Variants in ALOX5 observed in about 807,000 individuals in gnomAD.
ALOX5 encodes the protein arachidonate 5-lipoxygenase, also known as polyunsaturated fatty acid 5-lipoxygenase.
In ALOX5, 64 loss-of-function variants were observed where a neutral mutation model predicts 87.9. The ratio of observed to expected loss-of-function variants is 0.73; its 90% CI spans 0.60 to 0.90. The LOEUF is 0.90. Ranked by LOEUF, ALOX5 falls within the 40% of genes least tolerant of loss-of-function variation. ALOX5 has a pLI of 0.00. For missense variants in ALOX5, 822 were observed against 907.5 expected (o/e 0.91, Z 1.21); for synonymous variants, 388 against 355.1 (o/e 1.09, Z -1.04).
At chr10:45,391,044 CCCCTCTCCCCTCTCCCTCT>C (rs1564416436) in intron 2 of ALOX5, among the ~76,000 whole-genome samples, 13 of 103,142 alleles carry the variant, frequency 1.3e-4, no homozygotes, top group Non-Finnish European at 2.1e-4. Context: ...TCTCCCATCT[CCCCTCTCCCCTCTCCCTCT>C]CCCTCTCCCC....
At chr10:45,400,794 G>A (rs1840672064) in intron 3 of ALOX5, among the ~76,000 whole-genome samples, 1 of 152,158 alleles carries the variant, frequency 6.6e-6, no homozygotes, top group South Asian at 2.1e-4. Context: ...ACTAGGAGTT[G>A]GGGAGGGGAA....
At chr10:45,424,729 AGT>A (rs1841633403) in intron 5 of ALOX5, among the ~76,000 whole-genome samples, 2 of 152,120 alleles carry the variant, frequency 1.3e-5, no homozygotes, top group Admixed American at 1.3e-4. Flanking sequence ...GAAGGACCTG[AGT>A]GCTCCAGGAG....
chr10:45,441,333 C>T lies in ALOX5; in HGVS notation c.1186-11C>T. 1 of 1,612,834 alleles carries T rather than the reference C, an allele frequency of 6.2e-7. No individual in the cohort carries two copies. The highest frequency in any genetic ancestry group is 8.5e-7 in the Non-Finnish European group (1 of 1,179,272). ...GGCCCCCTCTGAGGCCTCCTCCTCT[C>T]CCCTCCCCAGCTGCTGGTGGCACAC... On this transcript the variant is annotated splice_polypyrimidine_tract_variant and intron_variant, in intron 8 of 13. Coordinates refer to ENST00000374391, the MANE Select transcript of ALOX5 (RefSeq NM_000698.5).
At position 45,445,405 on chromosome 10, in the gene ALOX5, C is replaced by T. The variant is rs976917716; in HGVS notation, c.1846-103C>T. 5 of 1,385,126 alleles carry T rather than the reference C, an allele frequency of 3.6e-6. No homozygotes were observed. The African/African-American group carries it at 7.2e-5, about 20-fold the overall frequency. The allele number at this position is 1,385,126 out of a possible 1,614,324, so 85.8% of individuals were successfully genotyped here. A position where few individuals can be genotyped will look rare whatever the true frequency, so the allele number is the denominator to read the frequency against. On this transcript the variant is annotated intron_variant, in intron 13 of 13. Coordinates refer to ENST00000374391, the MANE Select transcript of ALOX5 (RefSeq NM_000698.5). ...TGGGGAGGTGAATAGATGCTCCCTCCTTCATCTCCCAAACGGTGGCTGGCC... is the reference window on the plus strand; with the variant it reads ...TGGGGAGGTGAATAGATGCTCCCTCTTTCATCTCCCAAACGGTGGCTGGCC...
At chr10:45,396,997 A>G (rs940927345) in intron 3 of ALOX5, among the ~76,000 whole-genome samples, 3 of 152,240 alleles carry the variant, frequency 2.0e-5, no homozygotes, top group African/African-American at 7.2e-5. Context: ...ACATACAAAA[A>G]AGGCATTTGA....
intron 3 of ALOX5, among the ~76,000 whole-genome samples, chr10:45,405,075 C>A (rs889776726): frequency 6.6e-6 from 1 of 152,196 alleles, no homozygotes; most frequent in African/African-American, 2.4e-5. Context: ...CAGTTCATTT[C>A]CCATTTGTAG....
chr10:45,412,311 A>T lies in ALOX5; in HGVS notation c.552A>T (p.Lys184Asn). 1.2e-6 allele frequency: 2 copies of T among 1,614,148 alleles called. No homozygotes were observed. The highest frequency in any genetic ancestry group is 2.2e-5 in the South Asian group (2 of 91,088). ...KGVDFVLNYS[K>N]AMENLFINRF... ...TGGACTTTGTTCTGAATTACTCCAAAGCGTAAGTTTACGAGAACTGAGGGA... is the reference window on the plus strand; with the variant it reads ...TGGACTTTGTTCTGAATTACTCCAATGCGTAAGTTTACGAGAACTGAGGGA... Residue 184 changes from lysine (K) to asparagine (N), a missense_variant and splice_region_variant, in exon 4 of 14, where the codon AAA becomes AAT. Lys to Asn is a moderately conservative substitution (Grantham distance 94). Transcript: ENST00000374391.
chr10:45,435,049 T>C (rs192721112), intron 7 of ALOX5, among the ~76,000 whole-genome samples: 1 of 152,312 alleles, frequency 6.6e-6, no homozygotes, highest in East Asian at 1.9e-4. Context: ...AGTTCTGGCA[T>C]CCCATGGCAG....
chr10:45,438,366 C>T (rs1215030240), intron 7 of ALOX5, among the ~76,000 whole-genome samples: 1 of 152,164 alleles, frequency 6.6e-6, no homozygotes, highest in African/African-American at 2.4e-5. Flanking sequence ...CAGTTTCCCC[C>T]CATGTAAAAT....
rs559271417 is a variant in ALOX5, at chr10:45,425,866, C to T, written c.834+734C>T. On this transcript the variant is annotated intron_variant, in intron 6 of 13. Transcript: ENST00000374391. The surrounding 1 kb of genome is among the most constrained non-coding windows in gnomAD (Gnocchi z 4.4). ...TCTGCTGCTTCCAGTCTTTTGAGCT[C>T]AGCTTACCCTGAGGCCCTAGTTGGA... Among the ~76,000 whole-genome samples, 2 of 152,358 alleles carry T rather than the reference C, an allele frequency of 1.3e-5. No homozygotes were observed. The highest frequency in any genetic ancestry group is 2.1e-4 in the South Asian group (1 of 4,832).
intron 12 of ALOX5, 134 bp downstream of exon 12, chr10:45,443,962 G>A (rs991913278): frequency 7.4e-5 from 106 of 1,433,348 alleles, no homozygotes; most frequent in Non-Finnish European, 9.4e-5. Context: ...GATGGATTCT[G>A]CCCGCTCAGC....
chr10:45,401,825 T>G (rs551148210), intron 3 of ALOX5, among the ~76,000 whole-genome samples: 8 of 152,318 alleles, frequency 5.3e-5, no homozygotes, highest in African/African-American at 1.7e-4. Flanking sequence ...AAATTTCTCC[T>G]CAAAAATCTT....
In ALOX5 at chr10:45,440,621, C is replaced by A; in HGVS notation, c.1173C>A (p.His391Gln). 2 of 1,614,112 alleles carry A rather than the reference C, an allele frequency of 1.2e-6. No individual in the cohort carries two copies. Among genetic ancestry groups the A allele is most frequent in the Non-Finnish European group, 1.7e-6 (2 of 1,180,020 alleles). Residue 391 changes from histidine (H) to glutamine (Q), a missense_variant, in exon 8 of 14, where the codon CAC (histidine) becomes CAA (glutamine). His to Gln is a conservative substitution (Grantham distance 24). Coordinates refer to ENST00000374391, the MANE Select transcript of ALOX5 (RefSeq NM_000698.5). The stretch of plus-strand genomic sequence containing the variant: ...TGTACCGCCAGCTGCCTGCTGTGCA[C>A]CCCATTTTCAAGGTACAGCCAGCTA... ...IAMYRQLPAV[H>Q]PIFKLLVAHV...
At chr10:45,392,746 C>T (rs2310775) in intron 2 of ALOX5, among the ~76,000 whole-genome samples, 56,849 of 151,108 alleles carry the variant, frequency 0.38, 11,310 homozygotes, top group East Asian at 0.61. Context: ...ATCAATTAGA[C>T]GCAATAAAAA....
intron 2 of ALOX5, among the ~76,000 whole-genome samples, chr10:45,392,779 G>A (rs904571116): frequency 2.6e-5 from 4 of 151,618 alleles, no homozygotes; most frequent in African/African-American, 7.3e-5. Flanking sequence ...ACATCACCAC[G>A]GATTCCACAG....
intron 6 of ALOX5, among the ~76,000 whole-genome samples, chr10:45,427,833 C>T (rs905770599): frequency 6.6e-6 from 1 of 152,180 alleles, no homozygotes; most frequent in Non-Finnish European, 1.5e-5. Context: ...CCGGCACGCT[C>T]GTTGCGTGTC....
At chr10:45,433,345 C>T (rs114761840) in intron 7 of ALOX5, among the ~76,000 whole-genome samples, 207 of 152,312 alleles carry the variant, frequency 1.4e-3, no homozygotes, top group African/African-American at 4.9e-3. Flanking sequence ...TTGCAGTGGG[C>T]GGTCAGAGGG....
chr10:45,392,710 A>G (rs187995988), intron 2 of ALOX5, among the ~76,000 whole-genome samples: 189 of 151,724 alleles, frequency 1.2e-3, no homozygotes, highest in African/African-American at 4.3e-3. Context: ...TCAATTAAAA[A>G]AAAAGAAAAA....
chr10:45,382,475 C>T lies in ALOX5; in HGVS notation c.151-8C>T. On this transcript the variant is annotated splice_region_variant and splice_polypyrimidine_tract_variant and intron_variant, in intron 1 of 13. Coordinates refer to ENST00000374391, the MANE Select transcript of ALOX5 (RefSeq NM_000698.5). ...ACGCATGGCCTGATTGCCTGTTCTCCTTCCCAGGTGGATTCATACGACGTG... is the reference window on the plus strand; with the variant it reads ...ACGCATGGCCTGATTGCCTGTTCTCTTTCCCAGGTGGATTCATACGACGTG... The T allele has an allele frequency of 6.2e-7, 1 of 1,614,192 alleles. No individual in the cohort carries two copies. The highest frequency in any genetic ancestry group is 8.5e-7 in the Non-Finnish European group (1 of 1,180,026).
Sources: allele counts gnomAD v4.1 joint callset (sites outside exome capture counted in the v4.1 genomes callset), GRCh38; gene constraint gnomAD v4.1.1; non-coding constraint Gnocchi (gnomAD v3.1); transcripts MANE v1.5; gene names NCBI Gene and HGNC (gene_info 2026-07-23, HGNC 2026-07-21).